LRRC8C: variants seen among roughly 807,000 people sequenced by gnomAD.
The protein encoded by LRRC8C is volume-regulated anion channel subunit LRRC8C.
Under a neutral mutation model 55.3 loss-of-function variants are expected in LRRC8C, and 20 were observed. The ratio of observed to expected loss-of-function variants is 0.36; its 90% CI spans 0.25 to 0.53. LRRC8C has a LOEUF of 0.53. LRRC8C is among the 20% of genes least tolerant of loss of function. The pLI is 0.92. For synonymous variants in LRRC8C, 376 were observed against 360.7 expected (o/e 1.04, Z -0.48); for missense variants, 659 against 951.4 (o/e 0.69, Z 4.04).
intron 1 of LRRC8C, among the ~76,000 whole-genome samples, chr1:89,639,938 G>T (rs937693056): frequency 2.0e-5 from 3 of 152,190 alleles, no homozygotes; most frequent in Admixed American, 2.0e-4. Context: ...GCAGGAGAAA[G>T]TATATAAATA....
chr1:89,651,233 G>A (rs541039953), intron 1 of LRRC8C, among the ~76,000 whole-genome samples: 1 of 152,210 alleles, frequency 6.6e-6, no homozygotes, highest in South Asian at 2.1e-4. Flanking sequence ...GCTGAGATTG[G>A]CTTTTCTATT....
intron 1 of LRRC8C, among the ~76,000 whole-genome samples, chr1:89,659,241 A>G (rs1238053401): frequency 6.6e-6 from 1 of 152,100 alleles, no homozygotes; most frequent in African/African-American, 2.4e-5. Flanking sequence ...ACACTTCTGT[A>G]AAGGAAAATA....
At chr1:89,637,864 T>C (rs1656336590) in intron 1 of LRRC8C, among the ~76,000 whole-genome samples, 1 of 152,184 alleles carries the variant, frequency 6.6e-6, no homozygotes, top group South Asian at 2.1e-4. Context: ...CATCACAAAT[T>C]TGAGGAGTGA....
chr1:89,708,607 G>C (rs534644814), intron 2 of LRRC8C: 3 of 147,210 alleles, frequency 2.0e-5, no homozygotes, highest in Admixed American at 1.3e-4. Context: ...AGAAGACAAA[G>C]AAGAAGAAGC....
In LRRC8C at chr1:89,713,840, A is replaced by G; in HGVS notation, c.1270A>G (p.Asn424Asp). ...GCAGAAGCTACAGACAAATGCCCAT[A>G]ATCGACTGGAATTGCCTCTTATCAT... is the stretch of plus-strand genomic sequence containing the variant. ...LRQKLQTNAH[N>D]RLELPLIMLS... Residue 424 changes from asparagine to aspartate, a missense_variant, in exon 3 of 3, where the codon AAT (asparagine) becomes GAT (aspartate). By Grantham distance (23) the Asn-to-Asp change is conservative (BLOSUM62 1). Transcript: ENST00000370454. The surrounding 1 kb of genome is among the most constrained non-coding windows in gnomAD (Gnocchi z 5.2). The G allele has an allele frequency of 6.2e-7, 1 of 1,614,198 alleles. No individual in the cohort carries two copies. The highest frequency in any genetic ancestry group is 8.5e-7 in the Non-Finnish European group (1 of 1,180,034).
intron 1 of LRRC8C, among the ~76,000 whole-genome samples, chr1:89,642,863 CA>C (rs1479766429): frequency 2.3e-5 from 3 of 132,372 alleles, no homozygotes; most frequent in African/African-American, 8.5e-5. Context: ...AAAAAAAATA[CA>C]AAAATTAACT....
intron 1 of LRRC8C, among the ~76,000 whole-genome samples, chr1:89,637,850 A>G (rs912079026): frequency 6.6e-6 from 1 of 152,194 alleles, no homozygotes; most frequent in African/African-American, 2.4e-5. Context: ...GGAGTGTAAC[A>G]TACCATCACA....
intron 1 of LRRC8C, among the ~76,000 whole-genome samples, chr1:89,652,636 C>G (rs746285166): frequency 8.6e-5 from 13 of 151,878 alleles, no homozygotes; most frequent in Non-Finnish European, 1.9e-4. Context: ...AGCGGTGGAT[C>G]AAAGGGAAAA....
At chr1:89,702,135 G>A (rs1658349085) in intron 2 of LRRC8C, among the ~76,000 whole-genome samples, 1 of 152,088 alleles carries the variant, frequency 6.6e-6, no homozygotes, top group Admixed American at 6.5e-5. Context: ...GACTGACTCT[G>A]TGAGGCCTGA....
rs2101375613 is a variant in LRRC8C, at chr1:89,717,053, G to A, written c.*2071G>A. 1 of 152,190 alleles carries A rather than the reference G, an allele frequency of 6.6e-6. No individual in the cohort carries two copies. The highest frequency in any genetic ancestry group is 2.1e-4 in the South Asian group (1 of 4,818). The allele number at this position is 152,190 out of a possible 1,614,324, so 9.4% of individuals were successfully genotyped here. Reference sequence around the variant, plus strand: ...AATAATGTGCTCAGAATAATAACATGGTTATAGTTCTTGTATGATAAAGTA... The same window carrying A: ...AATAATGTGCTCAGAATAATAACATAGTTATAGTTCTTGTATGATAAAGTA... On this transcript the variant is annotated 3_prime_UTR_variant, in exon 3 of 3. Coordinates refer to ENST00000370454, the MANE Select transcript of LRRC8C (RefSeq NM_032270.5).
chr1:89,690,104 G>A (rs182272764), intron 2 of LRRC8C, among the ~76,000 whole-genome samples: 1 of 152,198 alleles, frequency 6.6e-6, no homozygotes, highest in East Asian at 1.9e-4. Context: ...GGTTAGTGAT[G>A]GTCATTTTCA....
chr1:89,665,309 TA>T (rs1657230248), intron 1 of LRRC8C, among the ~76,000 whole-genome samples: 1 of 152,320 alleles, frequency 6.6e-6, no homozygotes, highest in Admixed American at 6.5e-5. Context: ...ATTCCATTAA[TA>T]CCTAGTTTAT....
At chr1:89,640,220 G>A (rs559477603) in intron 1 of LRRC8C, among the ~76,000 whole-genome samples, 23 of 152,156 alleles carry the variant, frequency 1.5e-4, no homozygotes, top group African/African-American at 2.2e-4. Context: ...GCCTGCCGCC[G>A]CACCCAGCCA....
At chr1:89,678,233 C>G (rs1166842147) in intron 1 of LRRC8C, among the ~76,000 whole-genome samples, 1 of 152,206 alleles carries the variant, frequency 6.6e-6, no homozygotes, top group African/African-American at 2.4e-5. Context: ...ACTTTCTTAA[C>G]TAAAATTACT....
At chr1:89,657,526 A>G (rs1557651126) in intron 1 of LRRC8C, among the ~76,000 whole-genome samples, 1 of 152,112 alleles carries the variant, frequency 6.6e-6, no homozygotes, top group Non-Finnish European at 1.5e-5. Flanking sequence ...GCAGATCATG[A>G]GGTCAGGAGT....
chr1:89,696,054 G>A (rs1371304504), intron 2 of LRRC8C, among the ~76,000 whole-genome samples: 1 of 152,108 alleles, frequency 6.6e-6, no homozygotes, highest in East Asian at 1.9e-4. Flanking sequence ...CTTCATTTGG[G>A]GCATCTTCAT....
intron 1 of LRRC8C, among the ~76,000 whole-genome samples, chr1:89,633,796 T>G (rs1419408297): frequency 6.6e-6 from 1 of 152,130 alleles, no homozygotes; most frequent in African/African-American, 2.4e-5. Flanking sequence ...GGGAAAGGAA[T>G]TGGAAGGTTT....
At chr1:89,618,762 G>A in the LRRC8C span, among the ~76,000 whole-genome samples, 1 of 152,272 alleles carries the variant, frequency 6.6e-6, no homozygotes, top group South Asian at 2.1e-4. Context: ...TCTAAAGATA[G>A]CCAAGTAATA....
In LRRC8C at chr1:89,714,844, T is replaced by A; in HGVS notation, c.2274T>A (p.Asp758Glu). 6.2e-7 allele frequency: 1 copy of A among 1,614,144 alleles called. No homozygotes were observed. The highest frequency in any genetic ancestry group is 8.5e-7 in the Non-Finnish European group (1 of 1,180,000). The stretch of plus-strand genomic sequence containing the variant: ...ATTTGCTATTTCTTTCCTACTTAGA[T>A]GTAAAAGGTAATCACTTTGAAATCC... Reference protein sequence around the residue: ...IGNLLFLSYLDVKGNHFEILP... With the variant: ...IGNLLFLSYLEVKGNHFEILP... Residue 758 changes from aspartate to glutamate, a missense_variant, in exon 3 of 3, where the codon GAT becomes GAA. Transcript: ENST00000370454. This position sits in a 1 kb window ranked among gnomAD's most constrained non-coding sequence, Gnocchi z 4.6.
Sources: allele counts gnomAD v4.1 joint callset (sites outside exome capture counted in the v4.1 genomes callset), GRCh38; gene constraint gnomAD v4.1.1; non-coding constraint Gnocchi (gnomAD v3.1); transcripts MANE v1.5; gene names NCBI Gene and HGNC (gene_info 2026-07-23, HGNC 2026-07-21).